The following GPR149 variants were observed in gnomAD, a reference collection of about 807,000 sequenced individuals.
The protein encoded by GPR149 is G protein-coupled receptor 149.
A neutral mutation model predicts 50.2 loss-of-function variants in GPR149; 50 were observed. The observed-to-expected ratio is 1.00, with a 90% CI of 0.79 to 1.26. GPR149 has a LOEUF of 1.26. Among genes scored for constraint, GPR149 ranks in the 50% most tolerant of loss-of-function variants. GPR149 has a pLI of 0.00. For synonymous variants in GPR149, 405 were observed against 358.2 expected (o/e 1.13, Z -1.48); for missense variants, 983 against 895.4 (o/e 1.10, Z -1.25).
rs1298096413 is a variant in GPR149, at chr3:154,366,697, A to G, written c.1624-28426T>C. Among the ~76,000 whole-genome samples, 3 of 152,168 alleles carry G rather than the reference A, an allele frequency of 2.0e-5. No individual in the cohort carries two copies. The South Asian group carries it at 6.2e-4, about 31-fold the overall frequency. ...TGCCAGTCAGAACATCTTTGAATCT[A>G]CCTATGACCTATAAGCCCTGGCATT... On this transcript the variant is annotated intron_variant, in intron 3 of 3. Transcript: ENST00000389740.
chr3:154,422,541 T>C (rs1559991608), intron 2 of GPR149, among the ~76,000 whole-genome samples: 1 of 151,748 alleles, frequency 6.6e-6, no homozygotes, highest in Non-Finnish European at 1.5e-5. Flanking sequence ...AATCTTTCTA[T>C]GGAAAAGATA....
intron 3 of GPR149, among the ~76,000 whole-genome samples, chr3:154,414,913 C>G (rs944259905): frequency 7.2e-5 from 11 of 151,766 alleles, no homozygotes; most frequent in African/African-American, 2.7e-4. Context: ...GGGATTAGAT[C>G]CAGAACCAGA....
chr3:154,335,772 G>A lies in GPR149; in HGVS notation c.*1927C>T, dbSNP rs1378268268. The A allele has an allele frequency of 6.6e-6, 1 of 150,380 alleles. No individual in the cohort carries two copies. The highest frequency in any genetic ancestry group is 2.5e-5 in the African/African-American group (1 of 39,822). The allele number at this position is 150,380 out of a possible 1,614,324, so 9.3% of individuals were successfully genotyped here. ...ATTCAAATTGCTGTGCAGTTATAAA[G>A]AATTTGTTTGCCTTCAAATCTTTGC... On this transcript the variant is annotated 3_prime_UTR_variant, in exon 4 of 4. Transcript: ENST00000389740.
At chr3:154,396,074 C>T (rs968613426) in intron 3 of GPR149, among the ~76,000 whole-genome samples, 5 of 151,934 alleles carry the variant, frequency 3.3e-5, no homozygotes, top group South Asian at 2.1e-4. Flanking sequence ...TTTTTTTTAA[C>T]GTTGCCTAGC....
intron 3 of GPR149, among the ~76,000 whole-genome samples, chr3:154,372,657 AG>A (rs1380528932): frequency 6.6e-6 from 1 of 152,216 alleles, no homozygotes; most frequent in African/African-American, 2.4e-5. Context: ...TAAAGGCCAG[AG>A]GACCAGTATG....
intron 3 of GPR149, among the ~76,000 whole-genome samples, chr3:154,382,223 AAG>A (rs1180705583): frequency 3.9e-5 from 6 of 152,192 alleles, no homozygotes; most frequent in African/African-American, 1.4e-4. Flanking sequence ...AGGAGATTGG[AAG>A]AGGAGTTGGG....
rs1035549641 is a variant in GPR149, at chr3:154,429,105, C to A, written c.511G>T (p.Gly171Cys). 5 of 1,613,554 alleles carry A rather than the reference C, an allele frequency of 3.1e-6. No individual in the cohort carries two copies. Among genetic ancestry groups the A allele is most frequent in the African/African-American group, 2.7e-5 (2 of 74,940 alleles). ...GGCGTGCGCACGAAGGCGCCCCAGC[C>A]GCACAGCGGGAGCGCCGAGAGCAGC... ...SLLLSALPLC[G>C]WGAFVRTPWG... The change falls in exon 1 of 4, where the codon GGC becomes TGC. Residue 171 changes from glycine to cysteine, a missense_variant. By Grantham distance (159) the Gly-to-Cys change is radical. Transcript: ENST00000389740.
intron 3 of GPR149, among the ~76,000 whole-genome samples, chr3:154,380,041 T>C (rs1274573303): frequency 6.6e-6 from 1 of 152,112 alleles, no homozygotes; most frequent in Non-Finnish European, 1.5e-5. Context: ...GTCTAGAGAA[T>C]CAAATAATTA....
chr3:154,424,318 T>C (rs1025393049), intron 2 of GPR149, among the ~76,000 whole-genome samples: 28 of 152,030 alleles, frequency 1.8e-4, no homozygotes, highest in Non-Finnish European at 3.1e-4. Flanking sequence ...TATTTATTTA[T>C]TGAGTGAGTG....
rs1240478679 is a variant in GPR149 at position 154,353,610 on chromosome 3, C to T, written c.1624-15339G>A. 5 of 1,284,746 alleles carry T rather than the reference C, an allele frequency of 3.9e-6. No individual in the cohort carries two copies. The African/African-American group carries it at 7.4e-5, about 19-fold the overall frequency. The allele number at this position is 1,284,746 out of a possible 1,614,324, so 79.6% of individuals were successfully genotyped here. A position where few individuals can be genotyped will look rare whatever the true frequency, so the allele number is the denominator to read the frequency against. ...TTGATATGGTATTGCACCATAAAAA[C>T]ACACCATGCTGAGTTTCCTAGTTTT... On this transcript the variant is annotated intron_variant, in intron 3 of 3. Coordinates refer to ENST00000389740, the MANE Select transcript of GPR149 (RefSeq NM_001038705.3).
intron 3 of GPR149, among the ~76,000 whole-genome samples, chr3:154,417,674 C>T (rs1479451024): frequency 6.6e-6 from 1 of 151,990 alleles, no homozygotes; most frequent in East Asian, 1.9e-4. Context: ...GTCTACCACA[C>T]AGTTTAATGC....
chr3:154,356,089 G>C (rs560405700), intron 3 of GPR149, among the ~76,000 whole-genome samples: 1 of 152,276 alleles, frequency 6.6e-6, no homozygotes, highest in African/African-American at 2.4e-5. Flanking sequence ...GAGCACTTGG[G>C]ACCTTCCTGG....
chr3:154,414,253 A>C (rs1711922159), intron 3 of GPR149, among the ~76,000 whole-genome samples: 2 of 151,980 alleles, frequency 1.3e-5, no homozygotes, highest in African/African-American at 4.8e-5. Flanking sequence ...AGAAATCACC[A>C]CTAAAGGACT....
At chr3:154,347,821 T>C (rs886729607) in intron 3 of GPR149, among the ~76,000 whole-genome samples, 4 of 152,194 alleles carry the variant, frequency 2.6e-5, no homozygotes, top group Admixed American at 2.6e-4. Flanking sequence ...TAGAAGGTTT[T>C]TAAAATCATA....
At chr3:154,417,099 A>G (rs1169171394) in intron 3 of GPR149, among the ~76,000 whole-genome samples, 1 of 151,976 alleles carries the variant, frequency 6.6e-6, no homozygotes, top group East Asian at 1.9e-4. Context: ...TAGATGACAA[A>G]ATGTGGGGTT....
intron 3 of GPR149, among the ~76,000 whole-genome samples, chr3:154,343,904 G>T (rs868733277): frequency 6.6e-6 from 1 of 151,924 alleles, no homozygotes; most frequent in Admixed American, 6.6e-5. Context: ...ACTTGAGCCC[G>T]GGAGATAGAG....
intron 3 of GPR149, among the ~76,000 whole-genome samples, chr3:154,373,167 T>C (rs142932982): frequency 8.9e-4 from 135 of 151,866 alleles, no homozygotes; most frequent in African/African-American, 3.2e-3. Flanking sequence ...AAGGAGACAA[T>C]AAAGGAGGCT....
At chr3:154,371,319 T>C (rs1183253844) in intron 3 of GPR149, among the ~76,000 whole-genome samples, 1 of 152,188 alleles carries the variant, frequency 6.6e-6, no homozygotes, top group African/African-American at 2.4e-5. Context: ...GATGCCTAAA[T>C]GGCACTCTGA....
At chr3:154,412,701 C>A (rs973318839) in intron 3 of GPR149, among the ~76,000 whole-genome samples, 6 of 152,096 alleles carry the variant, frequency 3.9e-5, no homozygotes, top group African/African-American at 1.4e-4. Flanking sequence ...TGGGTAGAAT[C>A]AATTTTGTGA....
Sources: gnomAD v4.1 joint callset for allele counts (sites outside exome capture counted in the v4.1 genomes callset) on GRCh38, gnomAD v4.1.1 for gene constraint, MANE v1.5 for transcripts, NCBI Gene and HGNC (gene_info 2026-07-23, HGNC 2026-07-21) for gene names.